DOCK4: variants seen among roughly 807,000 people sequenced by gnomAD.
The protein encoded by DOCK4 is dedicator of cytokinesis 4, also known as dedicator of cytokinesis protein 4.
A neutral mutation model predicts 268.1 loss-of-function variants in DOCK4; 97 were observed. The ratio of observed to expected loss-of-function variants is 0.36; its 90% CI spans 0.31 to 0.43. DOCK4 has a LOEUF of 0.43. DOCK4 is among the 20% of genes least tolerant of loss of function. DOCK4 has a pLI of 1.00. For missense variants in DOCK4, 2,145 were observed against 2,455.7 expected (o/e 0.87, Z 2.67); for synonymous variants, 954 against 887.2 (o/e 1.08, Z -1.34).
intron 15 of DOCK4, among the ~76,000 whole-genome samples, chr7:111,897,974 C>T (rs550372207): frequency 6.6e-6 from 1 of 152,262 alleles, no homozygotes; most frequent in East Asian, 1.9e-4. Flanking sequence ...AGAACTGAAC[C>T]ATTACCATCG....
rs771416711 is a variant in DOCK4, at chr7:111,844,800, G to T, written c.2699C>A (p.Ser900Tyr). ...ILEITSRPQP[S>Y]SSAMRFQFQD... Reference sequence around the variant, plus strand: ...GAACTGGAACCGCATTGCTGAGCTGGATGGCTGAGGTCGGCTGGTGATCTC... The same window carrying T: ...GAACTGGAACCGCATTGCTGAGCTGTATGGCTGAGGTCGGCTGGTGATCTC... The change falls in exon 25 of 53, where the codon TCC becomes TAC. Residue 900 changes from serine to tyrosine, a missense_variant. Transcript: ENST00000428084. The T allele has an allele frequency of 3.7e-6, 6 of 1,613,726 alleles. No homozygotes were observed. In the Admixed American group the frequency reaches 5.0e-5, roughly 13 times the overall value.
chr7:111,876,124 T>C (rs1806847374), intron 17 of DOCK4, among the ~76,000 whole-genome samples: 1 of 152,194 alleles, frequency 6.6e-6, no homozygotes, highest in African/African-American at 2.4e-5. Context: ...GTTATGCCAA[T>C]GGAGGTTTTA....
At chr7:112,030,027 C>T (rs1169846966) in intron 1 of DOCK4, among the ~76,000 whole-genome samples, 3 of 152,202 alleles carry the variant, frequency 2.0e-5, no homozygotes, top group Admixed American at 6.5e-5. Context: ...ACCATTACAT[C>T]TGCATGAAAA....
intron 6 of DOCK4, 128 bp downstream of exon 6, chr7:111,988,886 TC>T: frequency 7.4e-7 from 1 of 1,351,032 alleles, no homozygotes. Context: ...GCACTAAGCC[TC>T]CAAAAACAGG....
intron 21 of DOCK4, among the ~76,000 whole-genome samples, chr7:111,868,983 C>T (rs1303170735): frequency 6.6e-6 from 1 of 152,100 alleles, no homozygotes; most frequent in East Asian, 1.9e-4. Flanking sequence ...TCCTCAACAA[C>T]AGGAATCAGA....
At chr7:112,024,329 C>T (rs552059902) in intron 1 of DOCK4, among the ~76,000 whole-genome samples, 25 of 152,256 alleles carry the variant, frequency 1.6e-4, no homozygotes, top group Admixed American at 1.4e-3. Flanking sequence ...GATTAGTATA[C>T]TTAGTATATT....
At chr7:111,917,076 C>G (rs1421834188) in intron 12 of DOCK4, among the ~76,000 whole-genome samples, 1 of 150,470 alleles carries the variant, frequency 6.6e-6, no homozygotes, top group Non-Finnish European at 1.5e-5. Flanking sequence ...CAACCTCCGC[C>G]TCCCGGGTTC....
chr7:112,116,062 T>G (rs982929523), intron 1 of DOCK4, among the ~76,000 whole-genome samples: 3 of 152,152 alleles, frequency 2.0e-5, no homozygotes, highest in Admixed American at 2.0e-4. Flanking sequence ...TGACACTAAG[T>G]ACATTCACAA....
At chr7:111,770,448 T>C (rs1798064079) in intron 36 of DOCK4, among the ~76,000 whole-genome samples, 1 of 152,114 alleles carries the variant, frequency 6.6e-6, no homozygotes, top group South Asian at 2.1e-4. Flanking sequence ...CTTGGCATGG[T>C]TGGATTTCCT....
intron 10 of DOCK4, among the ~76,000 whole-genome samples, chr7:111,941,185 C>T (rs1795169094): frequency 6.6e-6 from 1 of 152,126 alleles, no homozygotes. Flanking sequence ...CAGTTAGAAT[C>T]AAACTAAAAA....
intron 26 of DOCK4, among the ~76,000 whole-genome samples, chr7:111,826,603 G>A (rs1294032382): frequency 6.6e-6 from 1 of 152,130 alleles, no homozygotes; most frequent in Non-Finnish European, 1.5e-5. Context: ...GCAGCTAGAG[G>A]CCATTATCCT....
intron 44 of DOCK4, among the ~76,000 whole-genome samples, chr7:111,744,783 G>A (rs752707774): frequency 1.3e-5 from 2 of 152,142 alleles, no homozygotes; most frequent in Non-Finnish European, 2.9e-5. Flanking sequence ...TTGAGAACTT[G>A]ACTTATTCTT....
intron 8 of DOCK4, among the ~76,000 whole-genome samples, chr7:111,973,352 C>A (rs149813976): frequency 0.014 from 2,122 of 152,000 alleles, 18 homozygotes; most frequent in Middle Eastern, 0.065. Context: ...CACTAACCCT[C>A]CTATTTAATA....
chr7:111,915,922 T>G lies in DOCK4; in HGVS notation c.1067-18A>C. The G allele has an allele frequency of 6.2e-7, 1 of 1,604,884 alleles. No individual in the cohort carries two copies. Among genetic ancestry groups the G allele is most frequent in the Admixed American group, 1.7e-5 (1 of 58,620 alleles). On this transcript the variant is annotated intron_variant, in intron 12 of 52. Transcript: ENST00000428084. ...TGCTAAACCTAAAACAGATGAGAGA[T>G]ACCCGAGTTAAAAACAGAATAGAAA...
intron 1 of DOCK4, among the ~76,000 whole-genome samples, chr7:112,124,644 T>C (rs975110093): frequency 2.0e-5 from 3 of 152,180 alleles, no homozygotes; most frequent in African/African-American, 7.2e-5. Context: ...ATTTATAAAA[T>C]GGGAATAACA....
At chr7:111,923,820 G>C (rs773486197) in intron 12 of DOCK4, among the ~76,000 whole-genome samples, 1 of 152,084 alleles carries the variant, frequency 6.6e-6, no homozygotes, top group Non-Finnish European at 1.5e-5. Context: ...TTTACCCCTT[G>C]GGTAGCATTC....
chr7:111,922,169 T>C (rs1381895800), intron 12 of DOCK4, among the ~76,000 whole-genome samples: 1 of 152,234 alleles, frequency 6.6e-6, no homozygotes, highest in Non-Finnish European at 1.5e-5. Context: ...TGAAATATCC[T>C]TTAGAAGACA....
intron 42 of DOCK4, among the ~76,000 whole-genome samples, chr7:111,748,521 G>A (rs1195367085): frequency 1.3e-5 from 2 of 152,088 alleles, no homozygotes; most frequent in Non-Finnish European, 2.9e-5. Flanking sequence ...AAAAGGTGTT[G>A]GGCCTCATTT....
At chr7:112,129,444 C>T (rs1813591996) in intron 1 of DOCK4, among the ~76,000 whole-genome samples, 1 of 152,022 alleles carries the variant, frequency 6.6e-6, no homozygotes. Flanking sequence ...ATTCTGTATC[C>T]TGATTATTGT....
Sources: gnomAD v4.1 joint callset for allele counts (sites outside exome capture counted in the v4.1 genomes callset) on GRCh38, gnomAD v4.1.1 for gene constraint, MANE v1.5 for transcripts, NCBI Gene and HGNC (gene_info 2026-07-23, HGNC 2026-07-21) for gene names.